Variants in PRH1 observed in about 807,000 individuals in gnomAD.
PRH1 encodes proline rich protein HaeIII subfamily 1.
PRH1 carries 7 observed loss-of-function variants against 7.9 expected under a neutral mutation model. The ratio of observed to expected loss-of-function variants is 0.89; its 90% CI spans 0.50 to 1.67. The LOEUF (loss-of-function observed/expected upper bound fraction) is 1.67, where lower values mean the gene tolerates loss of function less well. Ranked by LOEUF, PRH1 falls within the 40% of genes most tolerant of loss-of-function variation. The pLI is 0.00. For synonymous variants in PRH1, 45 were observed against 80.8 expected (o/e 0.56, Z 2.38); for missense variants, 109 against 223.6 (o/e 0.49, Z 3.27).
rs377655164 is a variant in PRH1, at chr12:10,976,957, C to A, written c.-125-3236G>T. 7.2e-5 allele frequency among the ~76,000 whole-genome samples: 11 copies of A among 152,028 alleles called. No individual in the cohort carries two copies. In the South Asian group the frequency reaches 2.3e-3, roughly 32 times the overall value. On this transcript the variant is annotated intron_variant, in intron 1 of 3. Transcript: ENST00000539853. ...CAACCAAAAAAAGCCCAGGACCAGA[C>A]AGATTCACAGCTGAATTCTATCAAA...
intron 1 of PRH1, among the ~76,000 whole-genome samples, chr12:11,085,613 G>T (rs1412347785): frequency 8.6e-6 from 1 of 116,208 alleles, no homozygotes; most frequent in East Asian, 2.1e-4. Flanking sequence ...GCTATTGAAT[G>T]AGTTCAGGGC....
In PRH1 at chr12:11,058,012, G is replaced by C. The variant is rs1943435668; in HGVS notation, n.124-10824C>G. On this transcript the variant is annotated intron_variant and non_coding_transcript_variant, in intron 1 of 4. Transcript: ENST00000541977. ...GATTGTAATTCCAGCACTTTAGGAG[G>C]CTGACTTGGGCCCAGGAGTTTGAAA... 1.3e-5 allele frequency among the ~76,000 whole-genome samples: 2 copies of C among 152,156 alleles called. 1 individual carries two copies. Among genetic ancestry groups the C allele is most frequent in the South Asian group, 4.1e-4 (2 of 4,830 alleles).
chr12:10,943,775 ATCT>A (rs2135899050), intron 2 of PRH1, among the ~76,000 whole-genome samples: 1 of 152,206 alleles, frequency 6.6e-6, no homozygotes, highest in East Asian at 1.9e-4. Context: ...TTCAGATTTG[ATCT>A]TCTGCAGATA....
chr12:10,894,349 A>G (rs960561895), intron 2 of PRH1, among the ~76,000 whole-genome samples: 3 of 152,194 alleles, frequency 2.0e-5, no homozygotes, highest in African/African-American at 4.8e-5. Flanking sequence ...TTTTTAACTG[A>G]AAATGACTGA....
At chr12:10,944,890 T>G (rs976005898) in intron 2 of PRH1, among the ~76,000 whole-genome samples, 1 of 152,198 alleles carries the variant, frequency 6.6e-6, no homozygotes, top group Non-Finnish European at 1.5e-5. Context: ...GAACTAACTT[T>G]GCATGCCAGG....
At chr12:11,089,757 C>G (rs1190282423) in intron 1 of PRH1, among the ~76,000 whole-genome samples, 2 of 65,200 alleles carry the variant, frequency 3.1e-5, no homozygotes, top group East Asian at 8.5e-4. Flanking sequence ...AAAAAAAATT[C>G]AAATAGACCA....
chr12:11,115,075 C>T (rs1378291690), intron 1 of PRH1, among the ~76,000 whole-genome samples: 3 of 152,020 alleles, frequency 2.0e-5, no homozygotes, highest in Non-Finnish European at 4.4e-5. Context: ...TGTAAATGGG[C>T]TAAACTCTCC....
At position 11,031,871 on chromosome 12, in the gene PRH1, T is replaced by G. The variant is rs1479728680; in HGVS notation, c.-126+15149A>C. On this transcript the variant is annotated intron_variant, in intron 1 of 3. Transcript: ENST00000539853. ...GTATAGCTCGCTTCATCTCTCAATG[T>G]AATATAACTGGGTGTGATTGCTTGA... 2.0e-5 allele frequency among the ~76,000 whole-genome samples: 3 copies of G among 152,186 alleles called. No homozygotes were observed. The South Asian group carries it at 6.2e-4, about 32-fold the overall frequency.
chr12:11,036,242 A>G (rs1942430207), intron 1 of PRH1, among the ~76,000 whole-genome samples: 2 of 152,230 alleles, frequency 1.3e-5, no homozygotes, highest in African/African-American at 4.8e-5. Context: ...TATAACAATC[A>G]TTGAAAGATC....
At chr12:11,075,900 TCA>T (rs1565627018) in intron 1 of PRH1, among the ~76,000 whole-genome samples, 3 of 84,288 alleles carry the variant, frequency 3.6e-5, no homozygotes, top group African/African-American at 1.1e-4. Flanking sequence ...CATTAACGTA[TCA>T]TTTTTGACCA....
Position 11,071,674 on chromosome 12 carries a change from G to A in PRH1, n.124-24486C>T, listed in dbSNP as rs1302280073. Reference sequence around the variant, plus strand: ...ATGTGTTCTAAATAAATGCCAAGAAGGCCAGCAAGTTGGGGCGGCAGCTGA... The same window carrying A: ...ATGTGTTCTAAATAAATGCCAAGAAAGCCAGCAAGTTGGGGCGGCAGCTGA... On this transcript the variant is annotated intron_variant and non_coding_transcript_variant, in intron 1 of 4. Coordinates refer to the PRH1 transcript ENST00000541977. Among the ~76,000 whole-genome samples, 5 of 152,188 alleles carry A rather than the reference G, an allele frequency of 3.3e-5. No individual in the cohort carries two copies. In the South Asian group the frequency reaches 6.2e-4, roughly 19 times the overall value.
At chr12:11,083,517 T>A (rs112129651) in intron 1 of PRH1, among the ~76,000 whole-genome samples, 1 of 138,568 alleles carries the variant, frequency 7.2e-6, no homozygotes, top group South Asian at 2.1e-4. Flanking sequence ...AATATTTTTA[T>A]TATTGTGAAA....
intron 1 of PRH1, among the ~76,000 whole-genome samples, chr12:11,041,998 C>T (rs1591873279): frequency 6.6e-6 from 1 of 150,564 alleles, no homozygotes; most frequent in East Asian, 1.9e-4. Flanking sequence ...AGGAAATTTA[C>T]AGCTATAAAA....
At position 11,156,002 on chromosome 12, in the gene PRH1, A is replaced by T. The variant is rs373662343; in HGVS notation, n.39+15420T>A. ...TTTTATTCATTACCTCTTTTAACACAAGATATTATTGTTCTATACAGTCAA... is the reference window on the plus strand; with the variant it reads ...TTTTATTCATTACCTCTTTTAACACTAGATATTATTGTTCTATACAGTCAA... On this transcript the variant is annotated intron_variant and non_coding_transcript_variant, in intron 1 of 1. Transcript: ENST00000541175. Among the ~76,000 whole-genome samples the T allele has an allele frequency of 4.3e-4, 65 of 152,300 alleles. No homozygotes were observed. The South Asian group carries it at 0.013, about 31-fold the overall frequency.
At chr12:11,065,985 C>G (rs556865154) in intron 1 of PRH1, among the ~76,000 whole-genome samples, 1 of 152,286 alleles carries the variant, frequency 6.6e-6, no homozygotes, top group South Asian at 2.1e-4. Context: ...TATAATATCT[C>G]AACCACAGCT....
At chr12:10,920,082 C>A (rs1214000494) in intron 2 of PRH1, among the ~76,000 whole-genome samples, 1 of 151,842 alleles carries the variant, frequency 6.6e-6, no homozygotes, top group Non-Finnish European at 1.5e-5. Flanking sequence ...CTTTTAGAGA[C>A]AAGGTCTCAC....
At chr12:10,972,496 T>A (rs1366269424) in intron 2 of PRH1, among the ~76,000 whole-genome samples, 2 of 152,182 alleles carry the variant, frequency 1.3e-5, no homozygotes, top group Non-Finnish European at 2.9e-5. Context: ...CTTTCTATTT[T>A]TTCTTTTGAA....
chr12:11,070,169 T>C (rs1944001258), intron 1 of PRH1, among the ~76,000 whole-genome samples: 1 of 152,208 alleles, frequency 6.6e-6, no homozygotes, highest in East Asian at 1.9e-4. Flanking sequence ...GGAGAGGCAA[T>C]TTCACAATAA....
intron 2 of PRH1, chr12:10,891,558 T>C (rs1305771181): frequency 1.3e-5 from 2 of 152,224 alleles, no homozygotes; most frequent in Non-Finnish European, 2.9e-5. Flanking sequence ...AATCAGCTTG[T>C]AGGATCCTTC....
Sources: gnomAD v4.1 joint callset for allele counts (sites outside exome capture counted in the v4.1 genomes callset) on GRCh38, gnomAD v4.1.1 for gene constraint, MANE v1.5 for transcripts, NCBI Gene and HGNC (gene_info 2026-07-23, HGNC 2026-07-21) for gene names.